Variants in ZNF454 observed in about 807,000 individuals in gnomAD.
ZNF454 encodes the protein zinc finger protein 454.
ZNF454 carries 30 observed loss-of-function variants against 48.2 expected under a neutral mutation model. That is an observed-to-expected ratio of 0.62 (90% CI 0.47 to 0.84). ZNF454 has a LOEUF of 0.84. Ranked by LOEUF, ZNF454 falls within the 40% of genes least tolerant of loss-of-function variation. The probability of loss-of-function intolerance (pLI) is 0.00; values close to 1 mark genes in which losing one functional copy is unlikely to be tolerated. For synonymous variants in ZNF454, 204 were observed against 211.4 expected (o/e 0.97, Z 0.30); for missense variants, 510 against 623.1 (o/e 0.82, Z 1.93).
rs768024872 is a variant in ZNF454 at position 178,941,964 on chromosome 5, AG to A, written c.-108+522del. On this transcript the variant is annotated intron_variant, in intron 1 of 4. Transcript: ENST00000519564. The surrounding 1 kb of genome is among the most constrained non-coding windows in gnomAD (Gnocchi z 5.5). ...CCTCTTCTCCTGTCACTGCCAGATA[AG>A]GCAGCTGTTCCAAAGCCGCAGAGGG... Among the ~76,000 whole-genome samples the A allele has an allele frequency of 4.1e-4, 63 of 152,294 alleles. No individual in the cohort carries two copies. The highest frequency in any genetic ancestry group is 9.1e-4 in the Admixed American group (14 of 15,302).
chr5:178,989,778 C>T, the ZNF454 span: 8 of 355,752 alleles, frequency 2.2e-5, no homozygotes, highest in African/African-American at 1.3e-4. Flanking sequence ...TGGGTGGAGC[C>T]TCAGCAGCCA....
At chr5:178,952,847 A>C (rs1759612270) in intron 4 of ZNF454, among the ~76,000 whole-genome samples, 1 of 150,940 alleles carries the variant, frequency 6.6e-6, no homozygotes, top group Non-Finnish European at 1.5e-5. Flanking sequence ...ATTTTTGTTT[A>C]TTTTATTAAT....
At chr5:178,985,313 C>T in the ZNF454 span, 1 of 454,516 alleles carries the variant, frequency 2.2e-6, no homozygotes, top group South Asian at 1.6e-5. Context: ...CACCTGACTG[C>T]CCCGTTTTCC....
chr5:178,974,174 C>A, the ZNF454 span, among the ~76,000 whole-genome samples: 5 of 152,064 alleles, frequency 3.3e-5, no homozygotes. Context: ...TCCGAGTTGG[C>A]GATAAGATAG....
In ZNF454 at chr5:178,965,340, G is replaced by A; in HGVS notation, c.936G>A (p.Arg312=). 1.2e-6 allele frequency: 2 copies of A among 1,613,904 alleles called. No individual in the cohort carries two copies. Among genetic ancestry groups the A allele is most frequent in the Non-Finnish European group, 1.7e-6 (2 of 1,179,988 alleles). ...TTTGTGAAAAAGCCTTTGTGTGCAG[G>A]GCACACCTTACCAAACACCAGAATA... ...CNICEKAFVC[R]AHLTKHQNIH... is the part of the protein sequence containing the mutation. The change falls in exon 5 of 5, where the codon AGG becomes AGA. Residue 312 remains arginine, a synonymous_variant. Coordinates refer to ENST00000519564, the MANE Select transcript of ZNF454 (RefSeq NM_001178089.3). The surrounding 1 kb of genome is among the most constrained non-coding windows in gnomAD (Gnocchi z 5.2).
At chr5:178,948,762 A>T (rs559992698) in intron 4 of ZNF454, among the ~76,000 whole-genome samples, 1 of 151,786 alleles carries the variant, frequency 6.6e-6, no homozygotes, top group South Asian at 2.1e-4. Flanking sequence ...CCCATTTCCT[A>T]TTAAAATTTT....
chr5:178,987,417 A>C, the ZNF454 span: 1 of 458,936 alleles, frequency 2.2e-6, no homozygotes, highest in Non-Finnish European at 4.4e-6. Flanking sequence ...CCGAGCGTCC[A>C]CTGACAGAAG....
chr5:178,947,661 C>G (rs1334001090), intron 4 of ZNF454, among the ~76,000 whole-genome samples: 1 of 152,242 alleles, frequency 6.6e-6, no homozygotes, highest in East Asian at 1.9e-4. Context: ...CTCATTGTAT[C>G]GGTGGCTTAA....
chr5:178,976,199 T>C, the ZNF454 span: 2 of 410,174 alleles, frequency 4.9e-6, no homozygotes, highest in Non-Finnish European at 5.0e-6. Context: ...TATTCAAAAT[T>C]GCAGCCATCC....
At chr5:178,987,917 GCCC>G in the ZNF454 span, among the ~76,000 whole-genome samples, 1 of 1,532 alleles carries the variant, frequency 6.5e-4, no homozygotes, top group African/African-American at 6.7e-4. Context: ...CCGTCGCCAT[GCCC>G]AGCTAATTTT....
chr5:178,946,553 C>A lies in ZNF454; in HGVS notation c.160+68C>A. On this transcript the variant is annotated intron_variant, in intron 3 of 4. Coordinates refer to ENST00000519564, the MANE Select transcript of ZNF454 (RefSeq NM_001178089.3). This position sits in a 1 kb window ranked among gnomAD's most constrained non-coding sequence, Gnocchi z 4.5. Reference sequence around the variant, plus strand: ...CTCTTTGGGACCCTTACATTGACACCATATAGAAGAGTCGGTTGGACCAAC... The same window carrying A: ...CTCTTTGGGACCCTTACATTGACACAATATAGAAGAGTCGGTTGGACCAAC... 6.6e-7 allele frequency: 1 copy of A among 1,523,548 alleles called. No individual in the cohort carries two copies. The highest frequency in any genetic ancestry group is 1.4e-5 in the African/African-American group (1 of 71,590). The allele number at this position is 1,523,548 out of a possible 1,614,324, so 94.4% of individuals were successfully genotyped here.
At chr5:178,989,238 ACCCT>A in the ZNF454 span, 2 of 1,127,990 alleles carry the variant, frequency 1.8e-6, no homozygotes, top group Non-Finnish European at 1.2e-6. Flanking sequence ...CACCCTCCCC[ACCCT>A]CACCACCCTG....
chr5:178,972,993 G>GT, the ZNF454 span, among the ~76,000 whole-genome samples: 2 of 136,338 alleles, frequency 1.5e-5, no homozygotes, highest in Non-Finnish European at 3.3e-5. Flanking sequence ...TAGTAAATAG[G>GT]TAAAAAAAAA....
At chr5:178,986,811 C>A in the ZNF454 span, 1 of 1,613,040 alleles carries the variant, frequency 6.2e-7, no homozygotes, top group Non-Finnish European at 8.5e-7. Context: ...GGCCCATGCC[C>A]ACCTGGGGCT....
intron 4 of ZNF454, among the ~76,000 whole-genome samples, chr5:178,963,568 G>A (rs996939694): frequency 4.0e-5 from 6 of 151,658 alleles, no homozygotes; most frequent in East Asian, 2.0e-4. Context: ...ATTCTGCATC[G>A]TCTGTGTTTG....
At chr5:178,943,151 C>T (rs1380512018) in intron 2 of ZNF454, among the ~76,000 whole-genome samples, 2 of 152,208 alleles carry the variant, frequency 1.3e-5, no homozygotes, top group African/African-American at 2.4e-5. Flanking sequence ...TCCCTTTTTA[C>T]ATTGCTCTAA....
At chr5:178,953,064 A>T (rs1581867432) in intron 4 of ZNF454, among the ~76,000 whole-genome samples, 1 of 151,932 alleles carries the variant, frequency 6.6e-6, no homozygotes. Flanking sequence ...CTTTTAGCTG[A>T]TTATTTGATA....
the ZNF454 span, among the ~76,000 whole-genome samples, chr5:178,977,694 C>T: frequency 2.6e-5 from 4 of 152,030 alleles, no homozygotes; most frequent in African/African-American, 7.2e-5. Flanking sequence ...CTCAGCCCCC[C>T]GAGTAACTGG....
chr5:178,941,575 C>T lies in ZNF454; in HGVS notation c.-108+131C>T, dbSNP rs985981584. ...CTGGCATGTGTCTTGGAGCGGACTCCGAGAAGCCCAGGGTTTCCTCTCAGG... is the reference window on the plus strand; with the variant it reads ...CTGGCATGTGTCTTGGAGCGGACTCTGAGAAGCCCAGGGTTTCCTCTCAGG... On this transcript the variant is annotated intron_variant, in intron 1 of 4. Transcript: ENST00000519564. This position sits in a 1 kb window ranked among gnomAD's most constrained non-coding sequence, Gnocchi z 5.5. 6.8e-6 allele frequency: 3 copies of T among 441,776 alleles called. No individual in the cohort carries two copies. Among genetic ancestry groups the T allele is most frequent in the Non-Finnish European group, 1.4e-5 (3 of 219,136 alleles). 27.4% of individuals were successfully genotyped at this position (441,776 alleles called of 1,614,324 possible). A position where few individuals can be genotyped will look rare whatever the true frequency, so the allele number is the denominator to read the frequency against.
Sources: gnomAD v4.1 joint callset for allele counts (sites outside exome capture counted in the v4.1 genomes callset) on GRCh38, gnomAD v4.1.1 for gene constraint, Gnocchi (gnomAD v3.1) non-coding constraint, MANE v1.5 for transcripts, NCBI Gene and HGNC (gene_info 2026-07-23, HGNC 2026-07-21) for gene names.